The following DNAH1 variants were observed in gnomAD, a reference collection of about 807,000 sequenced individuals.
DNAH1 encodes dynein axonemal heavy chain 1, also known as axonemal beta dynein heavy chain 1.
In DNAH1, 327 loss-of-function variants were observed where a neutral mutation model predicts 484.3. That is an observed-to-expected ratio of 0.68 (90% CI 0.62 to 0.74). The LOEUF is 0.74. Among genes scored for constraint, DNAH1 ranks in the 30% least tolerant of loss-of-function variants. DNAH1 has a pLI of 0.00. For missense variants in DNAH1, 5,052 were observed against 5,546.8 expected (o/e 0.91, Z 2.83); for synonymous variants, 2,192 against 2,191.9 (o/e 1.00, Z 0.00).
Position 52,382,387 on chromosome 3 carries a change from G to A in DNAH1, c.7873G>A (p.Val2625Met), listed in dbSNP as rs1442274099. 1.2e-6 allele frequency: 2 copies of A among 1,614,022 alleles called. No individual in the cohort carries two copies. Among genetic ancestry groups the A allele is most frequent in the Non-Finnish European group, 1.7e-6 (2 of 1,179,888 alleles). ...CGGCATGTCCGAGTGGCGAGATGAT[G>A]TGAAGAAGGTCCTGCTCAAGGCGGG... ...NYGMSEWRDD[V>M]KKVLLKAGLQ... The change falls in exon 50 of 78, where the codon GTG becomes ATG. Residue 2625 changes from valine (V) to methionine (M), a missense_variant. Around this residue, in one of 4 missense-constraint regions of DNAH1, gnomAD observed 2,929 missense variants for 3,409.4 expected, o/e 0.86. Coordinates refer to ENST00000420323, the MANE Select transcript of DNAH1 (RefSeq NM_015512.5).
intron 15 of DNAH1, among the ~76,000 whole-genome samples, 163 bp downstream of exon 15, chr3:52,350,271 C>T (rs891044355): frequency 6.6e-6 from 1 of 151,346 alleles, no homozygotes; most frequent in Non-Finnish European, 1.5e-5. Flanking sequence ...GCCGGGGCTT[C>T]AGAGCTCTGC....
At chr3:52,348,438 C>T (rs1406276430) in intron 12 of DNAH1, among the ~76,000 whole-genome samples, 2 of 152,178 alleles carry the variant, frequency 1.3e-5, no homozygotes, top group African/African-American at 4.8e-5. Flanking sequence ...CACATACAGA[C>T]CCTCTGTCCA....
intron 66 of DNAH1, among the ~76,000 whole-genome samples, 188 bp from the exon 67 acceptor site, chr3:52,394,277 C>T (rs1704520887): frequency 6.6e-6 from 1 of 152,260 alleles, no homozygotes; most frequent in African/African-American, 2.4e-5. Context: ...ACATCTCTTG[C>T]CCTAAGGGCA....
At chr3:52,393,308 G>T (rs779571498) in intron 65 of DNAH1, 26 bp from the exon 66 acceptor site, 5 of 1,611,824 alleles carry the variant, frequency 3.1e-6, no homozygotes, top group Non-Finnish European at 4.2e-6. Context: ...ACCTCTCCGC[G>T]CTGCCATCAC....
rs1578155314 is a variant in DNAH1 at position 52,368,934 on chromosome 3, C to T, written c.5943+16C>T. 1.9e-6 allele frequency: 3 copies of T among 1,607,358 alleles called. No homozygotes were observed. The highest frequency in any genetic ancestry group is 1.7e-5 in the Admixed American group (1 of 59,892). ...GCTCACAGAGGTGCACCTACCTGTC[C>T]ACCTGCCCACTCTCCTCCAAGGCTG... On this transcript the variant is annotated intron_variant, in intron 37 of 77. Coordinates refer to ENST00000420323, the MANE Select transcript of DNAH1 (RefSeq NM_015512.5). The surrounding 1 kb of genome is among the most constrained non-coding windows in gnomAD (Gnocchi z 4.4).
Position 52,322,640 on chromosome 3 carries a change from G to A in DNAH1, c.198G>A (p.Pro66=), listed in dbSNP as rs1186601468. 1.1e-5 allele frequency: 17 copies of A among 1,613,616 alleles called. No individual in the cohort carries two copies. Among genetic ancestry groups the A allele is most frequent in the Middle Eastern group, 1.6e-4 (1 of 6,082 alleles). Residue 66 remains proline (P), a synonymous_variant, in exon 2 of 78, where the codon CCG becomes CCA. Transcript: ENST00000420323. ...DPKLPHLPLP[P]APPTLSDLGQ... is the part of the protein sequence containing the mutation. Reference sequence around the variant, plus strand: ...AGCTCCCACATTTACCCCTGCCCCCGGCCCCACCCACACTCTCAGACTTGG... The same window carrying A: ...AGCTCCCACATTTACCCCTGCCCCCAGCCCCACCCACACTCTCAGACTTGG...
chr3:52,361,343 G>A lies in DNAH1; in HGVS notation c.4865G>A (p.Gly1622Asp). 3 of 1,585,964 alleles carry A rather than the reference G, an allele frequency of 1.9e-6. No homozygotes were observed. Among genetic ancestry groups the A allele is most frequent in the Non-Finnish European group, 2.6e-6 (3 of 1,165,498 alleles). The part of the protein sequence containing the change: ...DFMAMGKFFK[G>D]LASAGAWACF... The stretch of plus-strand genomic sequence containing the variant: ...ATGGCCATGGGCAAGTTCTTCAAGG[G>A]CCTGGCCAGGTGAGGCTGGGCATGA... Residue 1622 changes from glycine to aspartate, a missense_variant, in exon 29 of 78, where the codon GGC becomes GAC. This residue lies in a region of DNAH1 where 2,929 missense variants were observed against 3,409.4 expected (regional missense o/e 0.86). Coordinates refer to ENST00000420323, the MANE Select transcript of DNAH1 (RefSeq NM_015512.5). This position sits in a 1 kb window ranked among gnomAD's most constrained non-coding sequence, Gnocchi z 5.6.
chr3:52,397,575 C>A, intron 73 of DNAH1, 132 bp from the exon 74 acceptor site: 1 of 828,542 alleles, frequency 1.2e-6, no homozygotes, highest in African/African-American at 1.7e-5. Flanking sequence ...AGAGCAGGGA[C>A]ATGCATAAGG....
chr3:52,370,512 C>T lies in DNAH1; in HGVS notation c.6294C>T (p.Arg2098=). ...LKKIPSEKLS[R]IVELIEPWFI... ...AAATACCCTCTGAAAAGCTGAGTCG[C>T]ATCGTAGAGTTGATCGAGCCCTGGT... Residue 2098 remains arginine, a synonymous_variant, in exon 40 of 78, where the codon CGC becomes CGT. Transcript: ENST00000420323. 1 of 1,614,018 alleles carries T rather than the reference C, an allele frequency of 6.2e-7. No homozygotes were observed. The highest frequency in any genetic ancestry group is 8.5e-7 in the Non-Finnish European group (1 of 1,179,892).
At chr3:52,327,795 A>T in intron 5 of DNAH1, 87 bp from the exon 6 acceptor site, 1 of 1,518,594 alleles carries the variant, frequency 6.6e-7, no homozygotes, top group Non-Finnish European at 9.0e-7. Flanking sequence ...GGTATTACTT[A>T]GGCACCCCAT....
Position 52,398,894 on chromosome 3 carries a change from TACTCAAGGC to T in DNAH1, c.12143_12151del (p.Ala4048_Lys4050del), listed in dbSNP as rs1232551588. The stretch of plus-strand genomic sequence containing the variant: ...GTGATCACACAGACACTGCAAGACC[TACTCAAGGC>T]ACTCAAGGGGCTGGTAGTGATGTCC... On this transcript the variant is annotated inframe_deletion, in exon 76 of 78. Transcript: ENST00000420323. The T allele has an allele frequency of 3.1e-6, 5 of 1,594,394 alleles. No homozygotes were observed. The highest frequency in any genetic ancestry group is 3.4e-6 in the Non-Finnish European group (4 of 1,168,012).
intron 52 of DNAH1, among the ~76,000 whole-genome samples, chr3:52,384,297 A>C (rs1452055946): frequency 6.6e-6 from 1 of 152,184 alleles, no homozygotes; most frequent in Non-Finnish European, 1.5e-5. Context: ...CTTTCTTCCA[A>C]GAACCCCCTG....
intron 8 of DNAH1, among the ~76,000 whole-genome samples, chr3:52,342,984 AG>A (rs1370599345): frequency 6.6e-6 from 1 of 152,198 alleles, no homozygotes; most frequent in African/African-American, 2.4e-5. Context: ...GAGGGGTCTC[AG>A]GACCCCTGGC....
intron 6 of DNAH1, among the ~76,000 whole-genome samples, chr3:52,328,768 G>A (rs963919382): frequency 6.6e-6 from 1 of 152,248 alleles, no homozygotes; most frequent in African/African-American, 2.4e-5. Context: ...GCTGGGTGTC[G>A]ATGCAACATC....
rs759639055 is a variant in DNAH1 at position 52,361,842 on chromosome 3, G to A, written c.4980+76G>A. 15 of 1,460,408 alleles carry A rather than the reference G, an allele frequency of 1.0e-5. No homozygotes were observed. The highest frequency in any genetic ancestry group is 2.0e-5 in the Admixed American group (1 of 50,006). The allele number at this position is 1,460,408 out of a possible 1,614,324, so 90.5% of individuals were successfully genotyped here. The stretch of plus-strand genomic sequence containing the variant: ...GCCATACTGCTCCCCATTGCAGGCT[G>A]AGAAGCCAGGCGCTAAGGTCCACCC... On this transcript the variant is annotated intron_variant, in intron 30 of 77. Transcript: ENST00000420323. The surrounding 1 kb of genome is among the most constrained non-coding windows in gnomAD (Gnocchi z 5.6).
rs769220466 is a variant in DNAH1 at position 52,399,685 on chromosome 3, G to T, written c.12582G>T (p.Glu4194Asp). 2.5e-6 allele frequency: 4 copies of T among 1,614,044 alleles called. No individual in the cohort carries two copies. In the South Asian group the frequency reaches 4.4e-5, roughly 18 times the overall value. ...CTCAGCCCAAGGAGCTGTACACAGA[G>T]ATGGCCGTTATCTGGCTCTTGCCAA... ...AESQPKELYT[E>D]MAVIWLLPTP... The change falls in exon 77 of 78, where the codon GAG becomes GAT. Residue 4194 changes from glutamate to aspartate, a missense_variant. By Grantham distance (45) the Glu-to-Asp change is conservative. Transcript: ENST00000420323.
chr3:52,396,937 A>G lies in DNAH1; in HGVS notation c.11680A>G (p.Ile3894Val). Residue 3894 changes from isoleucine (I) to valine (V), a missense_variant, in exon 73 of 78, where the codon ATC (isoleucine) becomes GTC (valine). Ile to Val is a conservative substitution (Grantham distance 29). Around this residue, in one of 4 missense-constraint regions of DNAH1, gnomAD observed 853 missense variants for 899.0 expected, o/e 0.95. Transcript: ENST00000420323. ...RVTDDWDRRCIMNILEDFYNP... is the reference protein window; with the variant it reads ...RVTDDWDRRCVMNILEDFYNP... ...CACTGATGACTGGGACCGGCGCTGC[A>G]TCATGAACATCTTGGAGGACTTCTA... The G allele has an allele frequency of 6.2e-7, 1 of 1,612,534 alleles. No individual in the cohort carries two copies. The highest frequency in any genetic ancestry group is 8.5e-7 in the Non-Finnish European group (1 of 1,179,470).
upstream of DNAH1, among the ~76,000 whole-genome samples, chr3:52,314,792 A>C (rs1439837304): frequency 3.3e-5 from 5 of 152,182 alleles, no homozygotes; most frequent in Non-Finnish European, 7.4e-5. Flanking sequence ...CCAAGATGGC[A>C]TGGAAGATCA....
At chr3:52,374,284 A>T in intron 44 of DNAH1, 1 of 1,528,910 alleles carries the variant, frequency 6.5e-7, no homozygotes, top group South Asian at 1.1e-5. Context: ...TAAAAGAAGA[A>T]CACAAGATTT....
Sources: gnomAD v4.1 joint callset for allele counts (sites outside exome capture counted in the v4.1 genomes callset) on GRCh38, gnomAD v4.1.1 for gene constraint, gnomAD v4.1.1 regional missense constraint, Gnocchi (gnomAD v3.1) non-coding constraint, MANE v1.5 for transcripts, NCBI Gene and HGNC (gene_info 2026-07-23, HGNC 2026-07-21) for gene names.